CDH13: variants seen among roughly 807,000 people sequenced by gnomAD.
CDH13 encodes cadherin-13.
CDH13 carries 24 observed loss-of-function variants against 63.8 expected under a neutral mutation model. That is an observed-to-expected ratio of 0.38 (90% CI 0.27 to 0.53). CDH13 has a LOEUF of 0.53. CDH13 is among the 20% of genes least tolerant of loss of function. CDH13 has a pLI of 0.85. For missense variants in CDH13, 1,049 were observed against 903.1 expected, an observed-to-expected ratio of 1.16 and a Z score of -2.07; for synonymous variants, 503 against 355.3, an observed-to-expected ratio of 1.42 and a Z score of -4.67.
At chr16:82,633,227 C>T (rs1908235837) in intron 1 of CDH13, among the ~76,000 whole-genome samples, 1 of 152,314 alleles carries the variant, frequency 6.6e-6, no homozygotes, top group South Asian at 2.1e-4. Flanking sequence ...AGCTGAGCAT[C>T]ATCATTCCAT....
intron 3 of CDH13, among the ~76,000 whole-genome samples, chr16:83,091,024 A>G (rs886258833): frequency 3.9e-5 from 6 of 152,182 alleles, no homozygotes; most frequent in Non-Finnish European, 7.3e-5. Context: ...TACTTATTAT[A>G]TAACATTTTC....
intron 7 of CDH13, among the ~76,000 whole-genome samples, chr16:83,508,110 AAAGG>A (rs2074457042): frequency 2.4e-5 from 1 of 42,496 alleles, no homozygotes; most frequent in Non-Finnish European, 4.5e-5. Flanking sequence ...GAAGGAAGGA[AAAGG>A]AAGGAAGGGA....
intron 10 of CDH13, among the ~76,000 whole-genome samples, chr16:83,718,235 G>A (rs190370188): frequency 1.3e-5 from 2 of 152,338 alleles, no homozygotes; most frequent in Non-Finnish European, 2.9e-5. Flanking sequence ...GAATCCCAGA[G>A]GAACACACTC....
At chr16:82,951,006 T>A (rs770905886) in intron 2 of CDH13, among the ~76,000 whole-genome samples, 3 of 152,196 alleles carry the variant, frequency 2.0e-5, no homozygotes, top group Non-Finnish European at 4.4e-5. Context: ...ACCATATTTC[T>A]GTGTCCTGAA....
intron 1 of CDH13, among the ~76,000 whole-genome samples, chr16:82,734,735 G>A (rs895519131): frequency 2.0e-5 from 3 of 152,208 alleles, no homozygotes; most frequent in Admixed American, 1.3e-4. Context: ...AATTGACCCT[G>A]TTTGGCCCAA....
chr16:82,628,205 G>A (rs746937279), intron 1 of CDH13, among the ~76,000 whole-genome samples: 1 of 152,220 alleles, frequency 6.6e-6, no homozygotes, highest in East Asian at 1.9e-4. Context: ...CTCTCTGGCA[G>A]GCGTTGGGAC....
chr16:83,321,832 T>C (rs973619471), intron 5 of CDH13, among the ~76,000 whole-genome samples: 5 of 152,178 alleles, frequency 3.3e-5, no homozygotes, highest in African/African-American at 1.2e-4. Flanking sequence ...GGGCCAGAAA[T>C]CTGGAATTTT....
chr16:82,894,534 T>A (rs1354608791), intron 2 of CDH13, among the ~76,000 whole-genome samples: 1 of 152,010 alleles, frequency 6.6e-6, no homozygotes, highest in East Asian at 1.9e-4. Flanking sequence ...CCCAGCTACT[T>A]GGGAGGCTGA....
chr16:82,870,630 G>A (rs193250861), intron 2 of CDH13, among the ~76,000 whole-genome samples: 1 of 152,212 alleles, frequency 6.6e-6, no homozygotes, highest in East Asian at 1.9e-4. Flanking sequence ...TACCCAATAA[G>A]ATGAAATTGG....
intron 7 of CDH13, among the ~76,000 whole-genome samples, chr16:83,589,389 T>C (rs1270801091): frequency 6.9e-6 from 1 of 144,430 alleles, no homozygotes; most frequent in Non-Finnish European, 1.5e-5. Context: ...AACACCATCT[T>C]CTCTGCTTCC....
intron 1 of CDH13, among the ~76,000 whole-genome samples, chr16:82,657,768 C>T (rs539931970): frequency 2.0e-5 from 3 of 152,176 alleles, no homozygotes; most frequent in Non-Finnish European, 4.4e-5. Context: ...GGCTTTTTTA[C>T]ATTAACCTCG....
At chr16:82,899,807 G>A (rs2041399586) in intron 2 of CDH13, among the ~76,000 whole-genome samples, 1 of 152,240 alleles carries the variant, frequency 6.6e-6, no homozygotes, top group Non-Finnish European at 1.5e-5. Context: ...GAATCGCTAT[G>A]TGTTCGGTAT....
intron 7 of CDH13, among the ~76,000 whole-genome samples, chr16:83,526,738 C>A (rs1309332037): frequency 6.6e-6 from 1 of 152,232 alleles, no homozygotes; most frequent in Non-Finnish European, 1.5e-5. Context: ...CCTGTACAAT[C>A]TTCTGCTTTA....
At chr16:82,897,123 G>A (rs1472870351) in intron 2 of CDH13, among the ~76,000 whole-genome samples, 1 of 152,114 alleles carries the variant, frequency 6.6e-6, no homozygotes, top group Non-Finnish European at 1.5e-5. Context: ...TGCTGTCAGA[G>A]AGTACTTGAG....
rs61067563 is a variant in CDH13 at position 83,707,836 on chromosome 16, C to CAAAAAAAAAAAAAA, written c.1538+29384_1538+29397dup. ...CATCTTTGGTGAGAGACCCTAAAGG[C>CAAAAAAAAAAAAAA]AAAAAAAAAAAAAAAAAAAAAAGAG... On this transcript the variant is annotated intron_variant, in intron 10 of 13. Coordinates refer to ENST00000567109, the MANE Select transcript of CDH13 (RefSeq NM_001257.5). 9.0e-3 allele frequency among the ~76,000 whole-genome samples: 712 copies of CAAAAAAAAAAAAAA among 78,758 alleles called. 53 individuals carry two copies. The highest frequency in any genetic ancestry group is 0.012 in the Non-Finnish European group (495 of 42,952). The allele number at this position is 78,758 out of a possible 152,430, so 51.7% of individuals were successfully genotyped here. A position where few individuals can be genotyped will look rare whatever the true frequency, so the allele number is the denominator to read the frequency against.
chr16:82,910,621 C>T (rs915960941), intron 2 of CDH13, among the ~76,000 whole-genome samples: 1 of 152,182 alleles, frequency 6.6e-6, no homozygotes, highest in South Asian at 2.1e-4. Flanking sequence ...TTCGTTCTGT[C>T]CTATAAGAAG....
intron 1 of CDH13, among the ~76,000 whole-genome samples, chr16:82,797,899 C>T (rs915577561): frequency 1.3e-5 from 2 of 152,094 alleles, no homozygotes; most frequent in Non-Finnish European, 2.9e-5. Context: ...ACAGCCTTCT[C>T]AGAAGACCTT....
rs541240016 is a variant in CDH13 at position 83,350,605 on chromosome 16, C to T, written c.781+5599C>T. On this transcript the variant is annotated intron_variant, in intron 6 of 13. Transcript: ENST00000567109. ...TTAGCAAGCATCTACTCTGTGCTGG[C>T]GCTATTCTAAGCTCTGAATGTGCAA... Among the ~76,000 whole-genome samples, 205 of 152,246 alleles carry T rather than the reference C, an allele frequency of 1.3e-3. 3 individuals are homozygous for T. The South Asian group carries it at 0.027, about 20-fold the overall frequency.
At chr16:83,495,679 G>A (rs1446403612) in intron 7 of CDH13, among the ~76,000 whole-genome samples, 1 of 152,174 alleles carries the variant, frequency 6.6e-6, no homozygotes, top group Non-Finnish European at 1.5e-5. Context: ...TATCTGTCAT[G>A]TGATGTTATT....
Sources: allele counts gnomAD v4.1 joint callset (sites outside exome capture counted in the v4.1 genomes callset), GRCh38; gene constraint gnomAD v4.1.1; transcripts MANE v1.5; gene names NCBI Gene and HGNC (gene_info 2026-07-23, HGNC 2026-07-21).